Variants in MTCL3 observed in about 807,000 individuals in gnomAD.
MTCL3 encodes MTCL family member 3.
At chr6:127,515,982 C>CCCG in the MTCL3 span, 1 of 1,592,026 alleles carries the variant, frequency 6.3e-7, no homozygotes, top group South Asian at 1.1e-5. This position sits in a 1 kb window ranked among gnomAD's most constrained non-coding sequence, Gnocchi z 4.3. Flanking sequence ...AGGCCCCCTC[C>CCCG]CCGCCGCTGC....
chr6:127,513,165 C>T, the MTCL3 span: 2 of 949,130 alleles, frequency 2.1e-6, no homozygotes, highest in Admixed American at 5.7e-5. Context: ...TTACCATGTG[C>T]CAGGCATTAT....
the MTCL3 span, among the ~76,000 whole-genome samples, chr6:127,503,366 A>C: frequency 6.6e-6 from 1 of 152,222 alleles, no homozygotes; most frequent in African/African-American, 2.4e-5. Flanking sequence ...TTAGCACTCA[A>C]CATTGGTGGC....
chr6:127,507,477 C>T, the MTCL3 span, among the ~76,000 whole-genome samples: 8 of 152,176 alleles, frequency 5.3e-5, no homozygotes, highest in African/African-American at 1.9e-4. Context: ...CTGGGTAAAA[C>T]AGTCATTTAC....
the MTCL3 span, among the ~76,000 whole-genome samples, chr6:127,485,508 A>G: frequency 6.6e-6 from 1 of 152,168 alleles, no homozygotes. Context: ...AAGAAATGTC[A>G]TAATTAGACT....
the MTCL3 span, among the ~76,000 whole-genome samples, chr6:127,504,520 G>A: frequency 1.3e-5 from 2 of 152,166 alleles, no homozygotes; most frequent in African/African-American, 4.8e-5. Flanking sequence ...CTGGGAGCAA[G>A]GCCATTCACA....
At chr6:127,507,456 G>A in the MTCL3 span, among the ~76,000 whole-genome samples, 75 of 152,084 alleles carry the variant, frequency 4.9e-4, 1 homozygote, top group African/African-American at 1.7e-3. Context: ...CTTCTAATGG[G>A]GGCTTGGCAT....
chr6:127,508,972 C>T, the MTCL3 span, among the ~76,000 whole-genome samples: 3 of 152,208 alleles, frequency 2.0e-5, no homozygotes, highest in Non-Finnish European at 4.4e-5. Flanking sequence ...TTGTGTATGA[C>T]GTTCAAAGAG....
At chr6:127,480,497 T>C in the MTCL3 span, among the ~76,000 whole-genome samples, 7 of 152,296 alleles carry the variant, frequency 4.6e-5, no homozygotes, top group East Asian at 5.8e-4. Flanking sequence ...AAATGAATAA[T>C]AGAGAGTTGG....
chr6:127,518,987 G>C, the MTCL3 span: 5 of 136,498 alleles, frequency 3.7e-5, no homozygotes, highest in Admixed American at 4.2e-4. Context: ...CGATAGGGTA[G>C]AAGTAACCAA....
chr6:127,502,066 T>G, the MTCL3 span, among the ~76,000 whole-genome samples: 1 of 152,232 alleles, frequency 6.6e-6, no homozygotes, highest in African/African-American at 2.4e-5. Context: ...GACAGCAATC[T>G]TATCTTTCTA....
the MTCL3 span, among the ~76,000 whole-genome samples, chr6:127,510,992 G>A: frequency 6.6e-6 from 1 of 152,236 alleles, no homozygotes; most frequent in Non-Finnish European, 1.5e-5. Context: ...GGAGGCAGAG[G>A]TGGGAGAATA....
chr6:127,494,245 G>T, the MTCL3 span, among the ~76,000 whole-genome samples: 1 of 152,120 alleles, frequency 6.6e-6, no homozygotes, highest in Non-Finnish European at 1.5e-5. Context: ...TGGCAAAACT[G>T]CAATTACTTT....
chr6:127,492,106 A>G, the MTCL3 span, among the ~76,000 whole-genome samples: 2 of 152,142 alleles, frequency 1.3e-5, no homozygotes, highest in Non-Finnish European at 2.9e-5. Context: ...TGTGGCCCAG[A>G]TGCTCCTATT....
chr6:127,514,302 G>T, the MTCL3 span, among the ~76,000 whole-genome samples: 51 of 152,190 alleles, frequency 3.4e-4, no homozygotes, highest in African/African-American at 1.2e-3. Flanking sequence ...CACCTAAGTG[G>T]CAAGTGCAGA....
At chr6:127,479,198 T>C in the MTCL3 span, among the ~76,000 whole-genome samples, 3 of 152,222 alleles carry the variant, frequency 2.0e-5, no homozygotes, top group East Asian at 3.9e-4. Flanking sequence ...TTTTAGACCA[T>C]GTAGGGTAAC....
chr6:127,492,140 C>A, the MTCL3 span, among the ~76,000 whole-genome samples: 1 of 152,248 alleles, frequency 6.6e-6, no homozygotes, highest in South Asian at 2.1e-4. Flanking sequence ...GCCAGTTAAT[C>A]CTCAATGCAG....
the MTCL3 span, chr6:127,476,143 T>C: frequency 2.5e-6 from 4 of 1,614,122 alleles, no homozygotes; most frequent in Middle Eastern, 4.9e-4. This position sits in a 1 kb window ranked among gnomAD's most constrained non-coding sequence, Gnocchi z 4.4. Context: ...GGCCGAGCCG[T>C]TGAAGTCATC....
the MTCL3 span, among the ~76,000 whole-genome samples, chr6:127,489,486 G>A: frequency 6.6e-6 from 1 of 152,232 alleles, no homozygotes; most frequent in African/African-American, 2.4e-5. Flanking sequence ...CAAAAGCTAG[G>A]CCTCTTGTGA....
At chr6:127,509,434 C>G in the MTCL3 span, among the ~76,000 whole-genome samples, 3 of 152,202 alleles carry the variant, frequency 2.0e-5, no homozygotes, top group Admixed American at 1.3e-4. Context: ...TTTTAGCAAA[C>G]AGTTCTAAAC....
Sources: allele counts gnomAD v4.1 joint callset (sites outside exome capture counted in the v4.1 genomes callset), GRCh38; gene constraint gnomAD v4.1.1; non-coding constraint Gnocchi (gnomAD v3.1); transcripts MANE v1.5; gene names NCBI Gene and HGNC (gene_info 2026-07-23, HGNC 2026-07-21).